The following VGLL2 variants were observed in gnomAD, a reference collection of about 807,000 sequenced individuals.
The protein encoded by VGLL2 is transcription cofactor vestigial-like protein 2.
In VGLL2, 18 loss-of-function variants were observed where a neutral mutation model predicts 27.0. That is an observed-to-expected ratio of 0.67 (90% CI 0.46 to 0.99). VGLL2 has a LOEUF of 0.99. Among genes scored for constraint, VGLL2 ranks in the 50% least tolerant of loss-of-function variants. VGLL2 has a pLI of 0.00. For missense variants in VGLL2, 491 were observed against 452.3 expected, an observed-to-expected ratio of 1.09 and a Z score of -0.78; for synonymous variants, 220 against 201.1, an observed-to-expected ratio of 1.09 and a Z score of -0.80.
At chr6:117,268,765 A>G (rs1456616359) in intron 2 of VGLL2, among the ~76,000 whole-genome samples, 1 of 152,078 alleles carries the variant, frequency 6.6e-6, no homozygotes, top group Non-Finnish European at 1.5e-5. Flanking sequence ...GCAAGTCTCA[A>G]CCTCTTTGAG....
rs1773240406 is a variant in VGLL2, at chr6:117,273,253, A to AT, written c.*765dup. ...ATATATATGTATGCATATATATCAT[A>AT]TTTTTTACAAGGAACATTTTATGAT... On this transcript the variant is annotated 3_prime_UTR_variant, in exon 4 of 4. Coordinates refer to ENST00000326274, the MANE Select transcript of VGLL2 (RefSeq NM_182645.3). 1 of 152,262 alleles carries AT rather than the reference A, an allele frequency of 6.6e-6. No homozygotes were observed. Among genetic ancestry groups the AT allele is most frequent in the African/African-American group, 2.4e-5 (1 of 41,450 alleles). 9.4% of individuals were successfully genotyped at this position (152,262 alleles called of 1,614,324 possible). A position where few individuals can be genotyped will look rare whatever the true frequency, so the allele number is the denominator to read the frequency against.
chr6:117,266,722 G>A (rs1019570966), intron 1 of VGLL2, among the ~76,000 whole-genome samples: 1 of 152,154 alleles, frequency 6.6e-6, no homozygotes, highest in African/African-American at 2.4e-5. Flanking sequence ...ACACCTGGGA[G>A]GCTGTAGGGG....
chr6:117,272,704 G>A lies in VGLL2; in HGVS notation c.*210G>A. 1 of 651,768 alleles carries A rather than the reference G, an allele frequency of 1.5e-6. No homozygotes were observed. Among genetic ancestry groups the A allele is most frequent in the Non-Finnish European group, 2.5e-6 (1 of 399,862 alleles). The allele number at this position is 651,768 out of a possible 1,614,324, so 40.4% of individuals were successfully genotyped here. ...AGAGCAAATCCAAAGACTGAGTTAT[G>A]TTTAATGACTTTTGGCCGAATCACT... On this transcript the variant is annotated 3_prime_UTR_variant, in exon 4 of 4. Transcript: ENST00000326274.
intron 3 of VGLL2, 32 bp from the exon 4 acceptor site, chr6:117,272,422 G>A (rs1323418758): frequency 6.2e-7 from 1 of 1,614,124 alleles, no homozygotes; most frequent in Admixed American, 1.7e-5. Flanking sequence ...AAATGGAGTG[G>A]GTTTGTAACA....
At chr6:117,268,074 G>T in intron 1 of VGLL2, 108 bp from the exon 2 acceptor site, 1 of 1,186,206 alleles carries the variant, frequency 8.4e-7, no homozygotes, top group Non-Finnish European at 1.2e-6. Context: ...AAGCCCATAT[G>T]CCAGTTTCCC....
In VGLL2 at chr6:117,270,751, C is replaced by CCACGCGCACCCGCAT. The variant is rs1773171451; in HGVS notation, c.604_618dup (p.Ala202_His206dup). 1 of 1,507,582 alleles carries CCACGCGCACCCGCAT rather than the reference C, an allele frequency of 6.6e-7. No homozygotes were observed. The highest frequency in any genetic ancestry group is 1.5e-5 in the African/African-American group (1 of 68,938). The allele number at this position is 1,507,582 out of a possible 1,614,324, so 93.4% of individuals were successfully genotyped here. ...AGCCCTGGCACCACGCGCACCCGCA[C>CCACGCGCACCCGCAT]CACGCGCACCCGCATCACCCCTACG... is the stretch of plus-strand genomic sequence containing the variant. On this transcript the variant is annotated inframe_insertion, in exon 3 of 4. Transcript: ENST00000326274.
Position 117,273,294 on chromosome 6 carries a change from T to C in VGLL2, c.*800T>C, listed in dbSNP as rs563090757. 2.6e-5 allele frequency: 4 copies of C among 152,312 alleles called. No homozygotes were observed. Among genetic ancestry groups the C allele is most frequent in the Admixed American group, 1.3e-4 (2 of 15,298 alleles). The allele number at this position is 152,312 out of a possible 1,614,324, so 9.4% of individuals were successfully genotyped here. A position where few individuals can be genotyped will look rare whatever the true frequency, so the allele number is the denominator to read the frequency against. On this transcript the variant is annotated 3_prime_UTR_variant, in exon 4 of 4. Transcript: ENST00000326274. The stretch of plus-strand genomic sequence containing the variant: ...ATTTTATGATGAAAGAAGAAACCCT[T>C]CTCTGCCTTCTCTCCCACGAATTCT...
intron 3 of VGLL2, chr6:117,272,214 C>T (rs560775999): frequency 7.2e-6 from 5 of 698,490 alleles, no homozygotes; most frequent in East Asian, 2.7e-4. Flanking sequence ...CTTTGTTCTC[C>T]TCCTTCTCCT....
At chr6:117,271,154 A>G (rs1773189228) in intron 3 of VGLL2, 90 bp downstream of exon 3, 2 of 1,107,052 alleles carry the variant, frequency 1.8e-6, no homozygotes, top group Non-Finnish European at 2.3e-6. Flanking sequence ...TCCTCCTTGG[A>G]GACCTTGAAT....
Position 117,270,950 on chromosome 6 carries a change from T to C in VGLL2, c.799T>C (p.Cys267Arg). The change falls in exon 3 of 4, where the codon TGC (cysteine) becomes CGC (arginine). Residue 267 changes from cysteine to arginine, a missense_variant. Transcript: ENST00000326274. ...APAPAPGSPPCELSGKGEPAG... is the reference protein window; with the variant it reads ...APAPAPGSPPRELSGKGEPAG... ...GGCGCCCGCGCCCGGCAGTCCTCCC[T>C]GCGAGCTCTCCGGCAAAGGCGAGCC... 8.1e-7 allele frequency: 1 copy of C among 1,236,900 alleles called. No individual in the cohort carries two copies. The highest frequency in any genetic ancestry group is 1.0e-6 in the Non-Finnish European group (1 of 994,944). The allele number at this position is 1,236,900 out of a possible 1,614,324, so 76.6% of individuals were successfully genotyped here. A position where few individuals can be genotyped will look rare whatever the true frequency, so the allele number is the denominator to read the frequency against.
intron 3 of VGLL2, among the ~76,000 whole-genome samples, chr6:117,271,327 A>AATAATAATAATG (rs1554217538): frequency 0.017 from 2,359 of 139,442 alleles, 67 homozygotes; most frequent in African/African-American, 0.06. Flanking sequence ...TAATAATGAT[A>AATAATAATAATG]ATAATAATAA....
chr6:117,272,831 A>G lies in VGLL2; in HGVS notation c.*337A>G. The G allele has an allele frequency of 2.6e-6, 1 of 382,216 alleles. No homozygotes were observed. The highest frequency in any genetic ancestry group is 3.9e-5 in the South Asian group (1 of 25,782). 23.7% of individuals were successfully genotyped at this position (382,216 alleles called of 1,614,324 possible). A position where few individuals can be genotyped will look rare whatever the true frequency, so the allele number is the denominator to read the frequency against. Reference sequence around the variant, plus strand: ...AAACTTTTTGGTGTGAATATTTTTTATGCTGATGTGAATTATTTTGTTAGG... The same window carrying G: ...AAACTTTTTGGTGTGAATATTTTTTGTGCTGATGTGAATTATTTTGTTAGG... On this transcript the variant is annotated 3_prime_UTR_variant, in exon 4 of 4. Transcript: ENST00000326274.
chr6:117,270,508 C>T (rs1389559377), intron 2 of VGLL2, 35 bp from the exon 3 acceptor site: 3 of 1,546,030 alleles, frequency 1.9e-6, no homozygotes, highest in Admixed American at 1.9e-5. Flanking sequence ...ACCTCTTTTC[C>T]TTTCCTCCAC....
chr6:117,271,131 CTA>C, intron 3 of VGLL2, 67 bp downstream of exon 3: 1 of 1,172,066 alleles, frequency 8.5e-7, no homozygotes, highest in Non-Finnish European at 1.1e-6. Flanking sequence ...TGGGCTGTGC[CTA>C]GACCCCTTAA....
At chr6:117,267,742 C>G (rs1330260941) in intron 1 of VGLL2, among the ~76,000 whole-genome samples, 1 of 152,200 alleles carries the variant, frequency 6.6e-6, no homozygotes, top group African/African-American at 2.4e-5. Flanking sequence ...TATCCTGTAT[C>G]CTGTGCTTCT....
At chr6:117,268,137 A>G in intron 1 of VGLL2, 45 bp from the exon 2 acceptor site, 1 of 1,589,310 alleles carries the variant, frequency 6.3e-7, no homozygotes, top group Non-Finnish European at 8.6e-7. Flanking sequence ...CGAATTTGCC[A>G]TCGCTTTTGA....
chr6:117,265,918 G>A, intron 1 of VGLL2, 74 bp downstream of exon 1: 1 of 1,364,406 alleles, frequency 7.3e-7, no homozygotes, highest in Non-Finnish European at 1.0e-6. Flanking sequence ...TGTACGCCAA[G>A]GTCTGCTGTG....
chr6:117,271,723 G>A (rs1327679191), intron 3 of VGLL2, among the ~76,000 whole-genome samples: 1 of 152,078 alleles, frequency 6.6e-6, no homozygotes, highest in Non-Finnish European at 1.5e-5. Context: ...ATCTTCTGTG[G>A]CTTGGGGGAT....
chr6:117,272,521 C>T lies in VGLL2; in HGVS notation c.*27C>T, dbSNP rs1773223531. The T allele has an allele frequency of 1.2e-6, 2 of 1,614,124 alleles. No homozygotes were observed. The highest frequency in any genetic ancestry group is 3.3e-5 in the Admixed American group (2 of 60,022). On this transcript the variant is annotated 3_prime_UTR_variant, in exon 4 of 4. Coordinates refer to ENST00000326274, the MANE Select transcript of VGLL2 (RefSeq NM_182645.3). Reference sequence around the variant, plus strand: ...CTGCTGACCCAGGGTTTCCCCTTCCCCTTCCCTTCTGACCAGCCTTGGAGG... The same window carrying T: ...CTGCTGACCCAGGGTTTCCCCTTCCTCTTCCCTTCTGACCAGCCTTGGAGG...
Sources: allele counts gnomAD v4.1 joint callset (sites outside exome capture counted in the v4.1 genomes callset), GRCh38; gene constraint gnomAD v4.1.1; transcripts MANE v1.5; gene names NCBI Gene and HGNC (gene_info 2026-07-23, HGNC 2026-07-21).